NELL1: variants seen among roughly 807,000 people sequenced by gnomAD.
NELL1 encodes the protein neural EGFL like 1.
Under a neutral mutation model 107.4 loss-of-function variants are expected in NELL1, and 76 were observed. The observed-to-expected ratio is 0.71, with a 90% CI of 0.59 to 0.86. The LOEUF is 0.86. Among genes scored for constraint, NELL1 ranks in the 40% least tolerant of loss-of-function variants. NELL1 has a pLI of 0.00. For missense variants in NELL1, 1,024 were observed against 1,005.5 expected, an observed-to-expected ratio of 1.02 and a Z score of -0.25; for synonymous variants, 353 against 341.2, an observed-to-expected ratio of 1.03 and a Z score of -0.38.
At chr11:20,848,182 C>T (rs1440569658) in intron 4 of NELL1, among the ~76,000 whole-genome samples, 1 of 152,224 alleles carries the variant, frequency 6.6e-6, no homozygotes, top group Non-Finnish European at 1.5e-5. Flanking sequence ...AATTCTATTT[C>T]ACTTCATCAA....
intron 15 of NELL1, among the ~76,000 whole-genome samples, chr11:21,480,181 C>G (rs1273753114): frequency 6.6e-6 from 1 of 151,388 alleles, no homozygotes; most frequent in East Asian, 1.9e-4. Context: ...ATGATTGACT[C>G]TCTGTTTAAG....
intron 15 of NELL1, among the ~76,000 whole-genome samples, chr11:21,378,717 AT>A (rs11306401): frequency 0.21 from 28,330 of 136,438 alleles, 2,514 homozygotes; most frequent in East Asian, 0.28. Context: ...ACACTTGTAC[AT>A]TTTTTTTTTT....
At chr11:21,121,792 AAAATT>A (rs888597256) in intron 13 of NELL1, among the ~76,000 whole-genome samples, 2 of 152,186 alleles carry the variant, frequency 1.3e-5, no homozygotes, top group African/African-American at 4.8e-5. Flanking sequence ...GAAACAGAAA[AAAATT>A]AAGAGGTCCC....
chr11:21,100,660 G>A (rs1854782858), intron 12 of NELL1, among the ~76,000 whole-genome samples: 1 of 152,154 alleles, frequency 6.6e-6, no homozygotes. Context: ...CAATGTTGCA[G>A]CATTATTCAC....
chr11:20,755,558 T>TATTTTTTTTTTTTTTTTTA (rs1564895070), intron 2 of NELL1, among the ~76,000 whole-genome samples: 1 of 16,432 alleles, frequency 6.1e-5, no homozygotes, highest in African/African-American at 1.1e-4. Flanking sequence ...TTGTTTTTGT[T>TATTTTTTTTTTTTTTTTTA]TTTGTTTTTT....
intron 13 of NELL1, among the ~76,000 whole-genome samples, chr11:21,214,108 C>T (rs948400523): frequency 1.1e-4 from 16 of 152,102 alleles, no homozygotes; most frequent in African/African-American, 3.9e-4. Context: ...TATCTTTTAT[C>T]TGAAATTTCT....
At chr11:20,681,105 A>G (rs1253525168) in intron 2 of NELL1, among the ~76,000 whole-genome samples, 1 of 152,108 alleles carries the variant, frequency 6.6e-6, no homozygotes, top group East Asian at 1.9e-4. Context: ...TTTAACCACA[A>G]CGTGGCTCTA....
At chr11:21,155,429 A>G (rs1409363332) in intron 13 of NELL1, among the ~76,000 whole-genome samples, 1 of 152,174 alleles carries the variant, frequency 6.6e-6, no homozygotes, top group Non-Finnish European at 1.5e-5. Context: ...TTACCTTTGA[A>G]GAGAAGAGAG....
chr11:21,483,990 CATATATATATATATATATATAT>C (rs781565679), intron 15 of NELL1, among the ~76,000 whole-genome samples: 31 of 88,404 alleles, frequency 3.5e-4, no homozygotes, highest in South Asian at 1.5e-3. Flanking sequence ...TTTTACTTAA[CATATATATATATATATATATAT>C]ATATATATAT....
chr11:20,987,244 T>C (rs992773321), intron 12 of NELL1, among the ~76,000 whole-genome samples: 2 of 152,182 alleles, frequency 1.3e-5, no homozygotes, highest in African/African-American at 4.8e-5. Flanking sequence ...AACTTAACCT[T>C]GGATGTACTT....
chr11:21,448,748 GACAA>G (rs1853508018), intron 15 of NELL1, among the ~76,000 whole-genome samples: 1 of 152,066 alleles, frequency 6.6e-6, no homozygotes, highest in Non-Finnish European at 1.5e-5. Flanking sequence ...ACTTCCAAAT[GACAA>G]ACACTGATTT....
At chr11:21,176,487 G>T (rs186630122) in intron 13 of NELL1, among the ~76,000 whole-genome samples, 43 of 151,936 alleles carry the variant, frequency 2.8e-4, no homozygotes, top group African/African-American at 1.0e-3. Flanking sequence ...GCCCACCTGA[G>T]GTTTATTGTG....
chr11:20,739,899 C>T (rs1432597512), intron 2 of NELL1, among the ~76,000 whole-genome samples: 4 of 152,152 alleles, frequency 2.6e-5, no homozygotes, highest in Non-Finnish European at 5.9e-5. Flanking sequence ...AACAAAGAGA[C>T]AATAACCAAG....
At chr11:21,495,344 C>T (rs989269513) in intron 15 of NELL1, among the ~76,000 whole-genome samples, 3 of 152,014 alleles carry the variant, frequency 2.0e-5, no homozygotes, top group Non-Finnish European at 4.4e-5. Flanking sequence ...TACCTGATTC[C>T]TTTTTATGGC....
chr11:21,255,180 C>T (rs1053564218), intron 14 of NELL1, among the ~76,000 whole-genome samples: 2 of 152,070 alleles, frequency 1.3e-5, no homozygotes, highest in East Asian at 1.9e-4. Flanking sequence ...TCTTCCCCCC[C>T]GGAGGTTAAG....
intron 13 of NELL1, among the ~76,000 whole-genome samples, chr11:21,189,011 A>G (rs191767481): frequency 1.4e-4 from 22 of 151,998 alleles, no homozygotes; most frequent in East Asian, 3.9e-4. Flanking sequence ...ATGTCCCTAT[A>G]TTTAAAACCA....
intron 15 of NELL1, among the ~76,000 whole-genome samples, chr11:21,436,413 T>G (rs1441242537): frequency 1.3e-5 from 2 of 152,168 alleles, no homozygotes; most frequent in African/African-American, 4.8e-5. Context: ...CCCCATAGGT[T>G]TTCTAATTTG....
intron 12 of NELL1, among the ~76,000 whole-genome samples, chr11:21,038,160 C>T (rs1853141755): frequency 6.6e-6 from 1 of 152,188 alleles, no homozygotes; most frequent in African/African-American, 2.4e-5. Context: ...CCAGCTGCAT[C>T]AGGGCACAAA....
chr11:21,404,005 A>AACCC (rs1554905726), intron 15 of NELL1, among the ~76,000 whole-genome samples: 4 of 50,906 alleles, frequency 7.9e-5, no homozygotes, highest in African/African-American at 1.5e-4. Context: ...TCATTCCTGA[A>AACCC]CCCCCCCCCC....
Sources: allele counts gnomAD v4.1 joint callset (sites outside exome capture counted in the v4.1 genomes callset), GRCh38; gene constraint gnomAD v4.1.1; transcripts MANE v1.5; gene names NCBI Gene and HGNC (gene_info 2026-07-23, HGNC 2026-07-21).